PHF24: variants seen among roughly 807,000 people sequenced by gnomAD.
PHF24 encodes the protein PHD finger protein 24, also known as Galpha inhibitory interacting protein.
A neutral mutation model predicts 42.6 loss-of-function variants in PHF24; 25 were observed. The ratio of observed to expected loss-of-function variants is 0.59; its 90% confidence interval spans 0.43 to 0.82. The LOEUF (loss-of-function observed/expected upper bound fraction) is 0.82, where lower values mean the gene tolerates loss of function less well. Among genes scored for constraint, PHF24 ranks in the 40% least tolerant of loss-of-function variants. The pLI, the probability that PHF24 is intolerant of heterozygous loss-of-function variation, is 0.00. For synonymous variants in PHF24, 185 were observed against 204.8 expected (o/e 0.90, Z 0.83); for missense variants, 470 against 538.1 (o/e 0.87, Z 1.25).
the PHF24 span, among the ~76,000 whole-genome samples, chr9:34,841,268 G>A: frequency 6.6e-6 from 1 of 152,074 alleles, no homozygotes; most frequent in South Asian, 2.1e-4. Context: ...CAAAGTGCTG[G>A]GATTGCAGGC....
the PHF24 span, among the ~76,000 whole-genome samples, chr9:34,758,933 G>T: frequency 6.6e-6 from 1 of 152,068 alleles, no homozygotes; most frequent in Non-Finnish European, 1.5e-5. This position sits in a 1 kb window ranked among gnomAD's most constrained non-coding sequence, Gnocchi z 4.4. Flanking sequence ...TCTGGCGAGG[G>T]AGGTGGGGCT....
the PHF24 span, among the ~76,000 whole-genome samples, chr9:34,673,661 G>A: frequency 1.8e-4 from 27 of 149,060 alleles, no homozygotes; most frequent in Admixed American, 5.4e-4. Flanking sequence ...TCGCTCTGTC[G>A]CCCAGGCTGG....
At chr9:34,806,741 G>A in the PHF24 span, among the ~76,000 whole-genome samples, 2 of 152,198 alleles carry the variant, frequency 1.3e-5, no homozygotes, top group South Asian at 4.1e-4. Context: ...TTACAGGCAT[G>A]AGCCTCTGTG....
chr9:34,712,650 C>T, the PHF24 span, among the ~76,000 whole-genome samples: 2 of 151,830 alleles, frequency 1.3e-5, no homozygotes, highest in Non-Finnish European at 2.9e-5. Context: ...TTGATAGTTT[C>T]ATTTTGTTCA....
chr9:34,869,023 C>T, the PHF24 span, among the ~76,000 whole-genome samples: 3 of 152,252 alleles, frequency 2.0e-5, no homozygotes, highest in Non-Finnish European at 4.4e-5. Context: ...TCTGTTCCTG[C>T]GTTCGTTTGC....
At chr9:34,691,374 C>G in the PHF24 span, 4 of 502,914 alleles carry the variant, frequency 8.0e-6, no homozygotes, top group East Asian at 1.0e-4. Flanking sequence ...CTGTTGCCCC[C>G]CTCTTTCTGG....
At chr9:34,798,743 G>T in the PHF24 span, among the ~76,000 whole-genome samples, 1 of 152,212 alleles carries the variant, frequency 6.6e-6, no homozygotes, top group Non-Finnish European at 1.5e-5. Flanking sequence ...TAATGGGATT[G>T]CTGGGCCAAA....
chr9:34,723,263 G>A, the PHF24 span: 2 of 1,551,758 alleles, frequency 1.3e-6, no homozygotes, highest in Middle Eastern at 1.7e-4. Flanking sequence ...GTTGGCACAA[G>A]CCTCTCGAGG....
the PHF24 span, among the ~76,000 whole-genome samples, chr9:34,905,642 T>C: frequency 6.6e-6 from 1 of 152,226 alleles, no homozygotes; most frequent in East Asian, 1.9e-4. Flanking sequence ...GCATTCAAGC[T>C]GGTGCTTGAA....
chr9:34,759,116 G>T, the PHF24 span, among the ~76,000 whole-genome samples: 1 of 152,160 alleles, frequency 6.6e-6, no homozygotes, highest in Non-Finnish European at 1.5e-5. Context: ...CAGCCATCTT[G>T]CTGCTGTCAC....
At chr9:34,858,083 T>G in the PHF24 span, among the ~76,000 whole-genome samples, 1 of 152,100 alleles carries the variant, frequency 6.6e-6, no homozygotes, top group Non-Finnish European at 1.5e-5. Flanking sequence ...ATTTATTTAC[T>G]TATTTATTTA....
the PHF24 span, among the ~76,000 whole-genome samples, chr9:34,870,611 A>C: frequency 6.7e-6 from 1 of 149,540 alleles, no homozygotes; most frequent in African/African-American, 2.5e-5. Flanking sequence ...TCATCCACCC[A>C]GGCTAAAGTG....
chr9:34,856,811 G>T, the PHF24 span, among the ~76,000 whole-genome samples: 1 of 152,260 alleles, frequency 6.6e-6, no homozygotes, highest in African/African-American at 2.4e-5. Flanking sequence ...GGCAGAGCAG[G>T]TGTGCTGCAC....
the PHF24 span, among the ~76,000 whole-genome samples, chr9:34,839,859 G>C: frequency 2.0e-5 from 3 of 152,332 alleles, no homozygotes; most frequent in African/African-American, 7.2e-5. Context: ...TCAAGAGAGA[G>C]AATGCATGGA....
At chr9:34,691,396 C>T in the PHF24 span, 3 of 480,446 alleles carry the variant, frequency 6.2e-6, no homozygotes, top group Non-Finnish European at 1.1e-5. Context: ...AGAATCGCAC[C>T]CTGCCCCCCT....
chr9:34,865,117 T>C, the PHF24 span, among the ~76,000 whole-genome samples: 4 of 136,468 alleles, frequency 2.9e-5, no homozygotes, highest in African/African-American at 8.5e-5. Context: ...AGGCAGAGGT[T>C]GCAGTGAGCT....
At chr9:34,703,507 A>G in the PHF24 span, among the ~76,000 whole-genome samples, 2 of 152,114 alleles carry the variant, frequency 1.3e-5, no homozygotes, top group East Asian at 3.9e-4. Context: ...ATCAAAAGAA[A>G]GAACCCGACA....
the PHF24 span, among the ~76,000 whole-genome samples, chr9:34,760,884 C>T: frequency 2.6e-5 from 4 of 151,804 alleles, no homozygotes; most frequent in Non-Finnish European, 5.9e-5. Context: ...CCCAGCTACA[C>T]GGGAGGCTGA....
the PHF24 span, among the ~76,000 whole-genome samples, chr9:34,818,394 G>A: frequency 6.6e-6 from 1 of 152,040 alleles, no homozygotes; most frequent in African/African-American, 2.4e-5. Context: ...AACAATCTTG[G>A]ATTTTGTCAA....
Sources: allele counts gnomAD v4.1 joint callset (sites outside exome capture counted in the v4.1 genomes callset), GRCh38; gene constraint gnomAD v4.1.1; non-coding constraint Gnocchi (gnomAD v3.1); transcripts MANE v1.5; gene names NCBI Gene and HGNC (gene_info 2026-07-23, HGNC 2026-07-21).